The following EMID1 variants were observed in gnomAD, a reference collection of about 807,000 sequenced individuals.
EMID1 encodes EMI domain containing 1.
In EMID1, 40 loss-of-function variants were observed where a neutral mutation model predicts 60.6. The ratio of observed to expected loss-of-function variants is 0.66; its 90% CI spans 0.51 to 0.86. The LOEUF is 0.86. EMID1 is among the 40% of genes least tolerant of loss of function. The pLI is 0.00. For synonymous variants in EMID1, 242 were observed against 231.0 expected, an observed-to-expected ratio of 1.05 and a Z score of -0.43; for missense variants, 585 against 597.1, an observed-to-expected ratio of 0.98 and a Z score of 0.21.
intron 12 of EMID1, 114 bp from the exon 13 acceptor site, chr22:29,243,331 T>C (rs1156483552): frequency 9.4e-7 from 1 of 1,068,958 alleles, no homozygotes; most frequent in East Asian, 2.6e-5. Flanking sequence ...CAAGCTACTT[T>C]CTGTTTCTCT....
chr22:29,245,476 A>G (rs1344024294), intron 13 of EMID1, among the ~76,000 whole-genome samples: 1 of 151,966 alleles, frequency 6.6e-6, no homozygotes, highest in Non-Finnish European at 1.5e-5. Context: ...GCCCCTGCCC[A>G]CCCACCTTCC....
At chr22:29,210,893 G>A (rs1317819594) in intron 1 of EMID1, among the ~76,000 whole-genome samples, 1 of 152,108 alleles carries the variant, frequency 6.6e-6, no homozygotes, top group Non-Finnish European at 1.5e-5. Flanking sequence ...GTATAGATAT[G>A]TGTGAGAAGA....
intron 3 of EMID1, among the ~76,000 whole-genome samples, chr22:29,221,337 C>A (rs909674245): frequency 2.0e-5 from 3 of 152,008 alleles, no homozygotes; most frequent in African/African-American, 7.3e-5. Flanking sequence ...GACCAAACAC[C>A]AATGGGAGGG....
At chr22:29,221,436 G>A (rs911591539) in intron 3 of EMID1, among the ~76,000 whole-genome samples, 20 of 152,200 alleles carry the variant, frequency 1.3e-4, no homozygotes, top group South Asian at 4.2e-4. Context: ...GTGCAGTGGC[G>A]CGATCTCGGC....
chr22:29,230,804 A>T lies in EMID1; in HGVS notation c.466-216A>T, dbSNP rs3765295. Among the ~76,000 whole-genome samples the T allele has an allele frequency of 0.097, 14,774 of 152,106 alleles. 1,031 individuals carry two copies. Among genetic ancestry groups the T allele is most frequent in the East Asian group, 0.23 (1,182 of 5,158 alleles). On this transcript the variant is annotated intron_variant, in intron 5 of 14. Transcript: ENST00000334018. ...TCGTCTCTACAAATAATTTTTTTTT[A>T]AATTTGCCATGTGTGGTGGTGCATC...
chr22:29,215,975 G>T (rs1055743512), intron 3 of EMID1, among the ~76,000 whole-genome samples: 4 of 152,204 alleles, frequency 2.6e-5, no homozygotes, highest in Admixed American at 2.6e-4. Context: ...GAGAAGCAAA[G>T]AACCATTTTA....
chr22:29,259,122 A>G lies in EMID1; in HGVS notation c.*178A>G. 4 of 992,080 alleles carry G rather than the reference A, an allele frequency of 4.0e-6. No homozygotes were observed. Among genetic ancestry groups the G allele is most frequent in the Non-Finnish European group, 5.7e-6 (4 of 702,306 alleles). 61.5% of individuals were successfully genotyped at this position (992,080 alleles called of 1,614,324 possible). A position where few individuals can be genotyped will look rare whatever the true frequency, so the allele number is the denominator to read the frequency against. On this transcript the variant is annotated 3_prime_UTR_variant, in exon 15 of 15. Coordinates refer to ENST00000334018, the MANE Select transcript of EMID1 (RefSeq NM_133455.4). ...GGCACCATGCACATGTCTGAGGCTG[A>G]GCAAGGGCTGAGAGGAGAGGCTTGG... is the stretch of plus-strand genomic sequence containing the variant.
At position 29,255,640 on chromosome 22, in the gene EMID1, G is replaced by C. The variant is rs149998347; in HGVS notation, c.1204+1353G>C. 8.4e-3 allele frequency: 2,582 copies of C among 305,934 alleles called. 20 individuals carry two copies. The highest frequency in any genetic ancestry group is 0.013 in the Non-Finnish European group (2,101 of 166,488). 19.0% of individuals were successfully genotyped at this position (305,934 alleles called of 1,614,324 possible). A position where few individuals can be genotyped will look rare whatever the true frequency, so the allele number is the denominator to read the frequency against. On this transcript the variant is annotated intron_variant, in intron 14 of 14. Transcript: ENST00000334018. ...GGAGTGTAGGGTGCTGGGGGGCTCA[G>C]GAGAACCCTGACACTGGTAGAGAAA...
chr22:29,215,700 G>A, intron 3 of EMID1, 70 bp downstream of exon 3: 1 of 1,233,344 alleles, frequency 8.1e-7, no homozygotes. Flanking sequence ...GGTGCATGGA[G>A]CCGTGAACTA....
chr22:29,243,803 G>A (rs1380099050), intron 13 of EMID1, among the ~76,000 whole-genome samples: 2 of 152,220 alleles, frequency 1.3e-5, no homozygotes, highest in Non-Finnish European at 2.9e-5. Flanking sequence ...GGTGGTTTGG[G>A]CTGACCCAGG....
chr22:29,234,500 C>G, intron 12 of EMID1, 151 bp downstream of exon 12: 3 of 926,888 alleles, frequency 3.2e-6, no homozygotes, highest in Non-Finnish European at 4.8e-6. Context: ...ACTCATTGTC[C>G]TCTTTGGATT....
intron 13 of EMID1, chr22:29,253,787 C>A: frequency 2.6e-6 from 1 of 378,644 alleles, no homozygotes; most frequent in Non-Finnish European, 3.6e-6. Flanking sequence ...AGTAAATAAG[C>A]ATATAGGTGG....
chr22:29,223,600 T>C (rs540997337), intron 3 of EMID1, among the ~76,000 whole-genome samples: 21 of 152,340 alleles, frequency 1.4e-4, no homozygotes, highest in African/African-American at 5.1e-4. Flanking sequence ...CAGACCTGTG[T>C]TCAAATCCAG....
At chr22:29,254,324 CCCTG>C in intron 14 of EMID1, 37 bp downstream of exon 14, 1 of 1,595,788 alleles carries the variant, frequency 6.3e-7, no homozygotes, top group Non-Finnish European at 8.6e-7. Context: ...ACGGCCCAGC[CCCTG>C]CCTGCCAGCC....
intron 1 of EMID1, among the ~76,000 whole-genome samples, chr22:29,208,792 C>T (rs2039773840): frequency 6.6e-6 from 1 of 152,222 alleles, no homozygotes; most frequent in Admixed American, 6.5e-5. Context: ...AGCCCCTGGA[C>T]CAAGCTGCTG....
intron 3 of EMID1, among the ~76,000 whole-genome samples, chr22:29,217,624 T>C (rs2146171514): frequency 6.6e-6 from 1 of 152,342 alleles, no homozygotes; most frequent in Non-Finnish European, 1.5e-5. Context: ...TCAGCCTCAG[T>C]GTCCTCACCC....
intron 1 of EMID1, among the ~76,000 whole-genome samples, chr22:29,211,805 C>T (rs926025823): frequency 6.6e-6 from 1 of 152,220 alleles, no homozygotes; most frequent in African/African-American, 2.4e-5. Flanking sequence ...CCTTCACTCA[C>T]GAAGCCCCTG....
At chr22:29,247,350 C>T (rs1462275994) in intron 13 of EMID1, among the ~76,000 whole-genome samples, 4 of 152,182 alleles carry the variant, frequency 2.6e-5, no homozygotes, top group African/African-American at 9.7e-5. Context: ...ATTATTGGTA[C>T]AGCCATGTGT....
chr22:29,214,157 G>A (rs2039994484), intron 1 of EMID1, among the ~76,000 whole-genome samples: 1 of 152,218 alleles, frequency 6.6e-6, no homozygotes, highest in Non-Finnish European at 1.5e-5. Flanking sequence ...CCACGGAGGG[G>A]ACATGGGAAT....
Sources: gnomAD v4.1 joint callset for allele counts (sites outside exome capture counted in the v4.1 genomes callset) on GRCh38, gnomAD v4.1.1 for gene constraint, MANE v1.5 for transcripts, NCBI Gene and HGNC (gene_info 2026-07-23, HGNC 2026-07-21) for gene names.